RAB3B: variants seen among roughly 807,000 people sequenced by gnomAD.
RAB3B encodes the protein RAB3B, member RAS oncogene family.
RAB3B carries 11 observed loss-of-function variants against 20.5 expected under a neutral mutation model. The ratio of observed to expected loss-of-function variants is 0.54; its 90% confidence interval spans 0.34 to 0.89. The LOEUF is 0.89. RAB3B is among the 40% of genes least tolerant of loss of function. The pLI is 0.02. For missense variants in RAB3B, 225 were observed against 280.9 expected, an observed-to-expected ratio of 0.80 and a Z score of 1.42; for synonymous variants, 99 against 106.3, an observed-to-expected ratio of 0.93 and a Z score of 0.42.
intron 1 of RAB3B, among the ~76,000 whole-genome samples, chr1:51,986,185 C>G (rs1286890187): frequency 7.4e-6 from 1 of 135,674 alleles, no homozygotes; most frequent in African/African-American, 2.8e-5. Context: ...GAGTCTCACT[C>G]TGTCGCCCAG....
chr1:51,937,452 T>C (rs1420985582), intron 2 of RAB3B, 40 bp from the exon 3 acceptor site: 9 of 1,429,796 alleles, frequency 6.3e-6, no homozygotes, highest in Non-Finnish European at 8.5e-6. Flanking sequence ...TTAGAAAGTC[T>C]GCTTTGGTTC....
rs1557958127 is a variant in RAB3B at position 51,912,602 on chromosome 1, A to ATATACATATATAT, written c.*7324_*7325insATATATATGTATA. On this transcript the variant is annotated 3_prime_UTR_variant, in exon 5 of 5. Transcript: ENST00000371655. ...ATATATATATATATATATATATATA[A>ATATACATATATAT]AAAATGTTACTCCTGTGAGACAGAA... The ATATACATATATAT allele has an allele frequency of 6.1e-5, 1 of 16,270 alleles. No homozygotes were observed. Among genetic ancestry groups the ATATACATATATAT allele is most frequent in the African/African-American group, 2.2e-4 (1 of 4,460 alleles). 1.0% of individuals were successfully genotyped at this position (16,270 alleles called of 1,614,324 possible). A position where few individuals can be genotyped will look rare whatever the true frequency, so the allele number is the denominator to read the frequency against.
At chr1:51,977,190 C>A in intron 1 of RAB3B, 73 bp from the exon 2 acceptor site, 1 of 1,104,138 alleles carries the variant, frequency 9.1e-7, no homozygotes, top group South Asian at 1.4e-5. Context: ...TTCTAATGGT[C>A]ACCCCACCAT....
intron 2 of RAB3B, among the ~76,000 whole-genome samples, chr1:51,964,720 C>T (rs1449521633): frequency 6.6e-6 from 1 of 152,162 alleles, no homozygotes; most frequent in Non-Finnish European, 1.5e-5. Context: ...TTCTTTCTCT[C>T]TCCACATCTA....
chr1:51,930,160 G>A (rs1300203674), intron 4 of RAB3B, among the ~76,000 whole-genome samples: 1 of 152,124 alleles, frequency 6.6e-6, no homozygotes, highest in Non-Finnish European at 1.5e-5. Context: ...TAAAAACATG[G>A]CACTAAGATT....
At position 51,909,254 on chromosome 1, in the gene RAB3B, G is replaced by T. The variant is rs1201285952; in HGVS notation, c.*10673C>A. ...GATCCTTGGAAAGGGCTCTGAGAGGGGTGTATTCGTTTCATTCTGAGACGA... is the reference window on the plus strand; with the variant it reads ...GATCCTTGGAAAGGGCTCTGAGAGGTGTGTATTCGTTTCATTCTGAGACGA... On this transcript the variant is annotated 3_prime_UTR_variant, in exon 5 of 5. Transcript: ENST00000371655. The T allele has an allele frequency of 6.8e-6, 1 of 147,706 alleles. No homozygotes were observed. Among genetic ancestry groups the T allele is most frequent in the Admixed American group, 6.7e-5 (1 of 14,984 alleles). 9.1% of individuals were successfully genotyped at this position (147,706 alleles called of 1,614,324 possible). A position where few individuals can be genotyped will look rare whatever the true frequency, so the allele number is the denominator to read the frequency against.
chr1:51,988,909 C>T (rs753510867), intron 1 of RAB3B, among the ~76,000 whole-genome samples: 1 of 151,948 alleles, frequency 6.6e-6, no homozygotes, highest in Non-Finnish European at 1.5e-5. Context: ...TAGGAACACA[C>T]TTTCCTCCAC....
chr1:51,988,796 CT>C (rs1221140397), intron 1 of RAB3B, among the ~76,000 whole-genome samples: 1 of 152,168 alleles, frequency 6.6e-6, no homozygotes, highest in South Asian at 2.1e-4. Flanking sequence ...GTATAGGTTA[CT>C]GATGCCTCCC....
intron 1 of RAB3B, among the ~76,000 whole-genome samples, chr1:51,982,364 G>GCAGCCACTGC (rs1435210318): frequency 6.6e-6 from 1 of 152,138 alleles, no homozygotes; most frequent in Non-Finnish European, 1.5e-5. Flanking sequence ...AGTGACCCAT[G>GCAGCCACTGC]ATTGCACCAC....
At chr1:51,973,869 A>G (rs1341198596) in intron 2 of RAB3B, among the ~76,000 whole-genome samples, 3 of 152,318 alleles carry the variant, frequency 2.0e-5, no homozygotes, top group Middle Eastern at 3.4e-3. Flanking sequence ...TTTTGAGTGT[A>G]GGCTATCTGA....
In RAB3B at chr1:51,980,650, G is replaced by A. The variant is rs577281873; in HGVS notation, c.1-3533C>T. 21 of 757,726 alleles carry A rather than the reference G, an allele frequency of 2.8e-5. 1 individual carries two copies. Among genetic ancestry groups the A allele is most frequent in the South Asian group, 2.3e-4 (17 of 74,518 alleles). The allele number at this position is 757,726 out of a possible 1,614,324, so 46.9% of individuals were successfully genotyped here. A position where few individuals can be genotyped will look rare whatever the true frequency, so the allele number is the denominator to read the frequency against. ...GGACATTTCTGAAGTGAGCATCTTC[G>A]ATGCCTATGTGCTTCCCAAGCAGTA... On this transcript the variant is annotated intron_variant, in intron 1 of 4. Coordinates refer to ENST00000371655, the MANE Select transcript of RAB3B (RefSeq NM_002867.4).
At chr1:51,937,528 G>C in intron 2 of RAB3B, 116 bp from the exon 3 acceptor site, 2 of 594,870 alleles carry the variant, frequency 3.4e-6, no homozygotes, top group Non-Finnish European at 2.8e-6. Context: ...ATGGAGTTTT[G>C]CTCTTGTTGC....
intron 2 of RAB3B, among the ~76,000 whole-genome samples, chr1:51,970,645 T>G (rs563916732): frequency 1.3e-5 from 2 of 152,186 alleles, no homozygotes; most frequent in South Asian, 2.1e-4. Context: ...AACTGAACAC[T>G]TCATACTGTG....
chr1:51,933,327 C>G lies in RAB3B; in HGVS notation c.463G>C (p.Glu155Gln). The change falls in exon 4 of 5, where the codon GAG (glutamate) becomes CAG (glutamine). Residue 155 changes from glutamate (E) to glutamine (Q), a missense_variant. Glu to Gln is a conservative substitution (Grantham distance 29). Transcript: ENST00000371655. ...VPTEKGQLLA[E>Q]QLGFDFFEAS... The stretch of plus-strand genomic sequence containing the variant: ...TGTGTCATGTACATACCAAGCTGCT[C>G]TGCAAGGAGCTGGCCCTTCTCAGTG... 2 of 1,613,940 alleles carry G rather than the reference C, an allele frequency of 1.2e-6. No homozygotes were observed. Among genetic ancestry groups the G allele is most frequent in the Non-Finnish European group, 1.7e-6 (2 of 1,179,936 alleles).
rs1684092548 is a variant in RAB3B, at chr1:51,916,829, A to C, written c.*3098T>G. On this transcript the variant is annotated 3_prime_UTR_variant, in exon 5 of 5. Transcript: ENST00000371655. ...ACATCCATCACCTGGGATTAGTCTG[A>C]GTAGTTGAGCAATTTGTTAACAGAT... 1 of 152,224 alleles carries C rather than the reference A, an allele frequency of 6.6e-6. No homozygotes were observed. Among genetic ancestry groups the C allele is most frequent in the Non-Finnish European group, 1.5e-5 (1 of 68,044 alleles). The allele number at this position is 152,224 out of a possible 1,614,324, so 9.4% of individuals were successfully genotyped here.
intron 3 of RAB3B, among the ~76,000 whole-genome samples, chr1:51,936,507 C>T (rs558545403): frequency 2.6e-5 from 4 of 152,182 alleles, no homozygotes; most frequent in Non-Finnish European, 4.4e-5. Context: ...CTAATTCATA[C>T]GTCATCACCT....
Position 51,908,115 on chromosome 1 carries a change from GTA to G in RAB3B, c.*11810_*11811del. 6.6e-6 allele frequency: 1 copy of G among 152,024 alleles called. No homozygotes were observed. Among genetic ancestry groups the G allele is most frequent in the South Asian group, 2.1e-4 (1 of 4,824 alleles). The allele number at this position is 152,024 out of a possible 1,614,324, so 9.4% of individuals were successfully genotyped here. ...ATGAGATCTTCTCTTTTGCTACTGT[GTA>G]TATATATTCCTTTATATTTATACAA... On this transcript the variant is annotated 3_prime_UTR_variant, in exon 5 of 5. Transcript: ENST00000371655.
chr1:51,923,258 C>T (rs1684197791), intron 4 of RAB3B, among the ~76,000 whole-genome samples: 1 of 152,144 alleles, frequency 6.6e-6, no homozygotes, highest in Non-Finnish European at 1.5e-5. Context: ...TCCCTTATGC[C>T]TCCTTGTCTC....
intron 2 of RAB3B, among the ~76,000 whole-genome samples, chr1:51,947,327 T>A (rs768032198): frequency 6.6e-6 from 1 of 151,264 alleles, no homozygotes; most frequent in Non-Finnish European, 1.5e-5. Flanking sequence ...GGCCAGGAGG[T>A]GGAGGTTGCA....
Sources: gnomAD v4.1 joint callset for allele counts (sites outside exome capture counted in the v4.1 genomes callset) on GRCh38, gnomAD v4.1.1 for gene constraint, MANE v1.5 for transcripts, NCBI Gene and HGNC (gene_info 2026-07-23, HGNC 2026-07-21) for gene names.